The following ARSH variants were observed in gnomAD, a reference collection of about 807,000 sequenced individuals.
The protein encoded by ARSH is arylsulfatase H.
A neutral mutation model predicts 28.7 loss-of-function variants in ARSH; 32 were observed. That is an observed-to-expected ratio of 1.11 (90% CI 0.84 to 1.50). ARSH has a LOEUF of 1.50. Ranked by LOEUF, ARSH falls within the 40% of genes most tolerant of loss-of-function variation. ARSH has a pLI of 0.00. For missense variants in ARSH, 440 were observed against 452.4 expected (o/e 0.97, Z 0.25); for synonymous variants, 176 against 177.3 (o/e 0.99, Z 0.06).
intron 6 of ARSH, among the ~76,000 whole-genome samples, chrX:3,025,602 A>G (rs1052401808): frequency 9.2e-6 from 1 of 108,388 alleles, no homozygotes; most frequent in African/African-American, 3.3e-5. Context: ...ATACTGGATT[A>G]TATATTGTAA....
chrX:3,024,034 T>A lies in ARSH; in HGVS notation c.915T>A (p.Asp305Glu). 8.3e-7 allele frequency: 1 copy of A among 1,210,217 alleles called. No homozygotes were observed. Among genetic ancestry groups the A allele is most frequent in the Non-Finnish European group, 1.1e-6 (1 of 894,956 alleles). The change falls in exon 6 of 9, where the codon GAT becomes GAA. Residue 305 changes from aspartate to glutamate, a missense_variant. Asp to Glu is a conservative substitution (Grantham distance 45). Transcript: ENST00000381130. ...GACCCTCTCCAGGTAAAATCCTGGA[T>A]GCCCTGGACCAGGAGCGCCTGGCCA... ...EMDWMVGKIL[D>E]ALDQERLANH...
intron 5 of ARSH, among the ~76,000 whole-genome samples, chrX:3,019,730 T>G (rs1458182514): frequency 9.0e-6 from 1 of 111,382 alleles, no homozygotes; most frequent in South Asian, 3.8e-4. Flanking sequence ...AACAGAGCTA[T>G]TTTAATTTAA....
chrX:3,019,264 CAAAA>C (rs146298584), intron 5 of ARSH, among the ~76,000 whole-genome samples: 9 of 69,611 alleles, frequency 1.3e-4, no homozygotes, highest in Admixed American at 1.8e-4. Flanking sequence ...GATTCTGTTT[CAAAA>C]AAAAAAAAAA....
At chrX:3,013,820 T>G (rs2089858364) in intron 3 of ARSH, among the ~76,000 whole-genome samples, 1 of 111,054 alleles carries the variant, frequency 9.0e-6, no homozygotes, top group South Asian at 3.9e-4. Context: ...GTTAAGAAAT[T>G]TTCTATCAGT....
At chrX:3,012,603 T>TATATATATATATA (rs1555914148) in intron 2 of ARSH, among the ~76,000 whole-genome samples, 1 of 26,799 alleles carries the variant, frequency 3.7e-5, no homozygotes, top group African/African-American at 1.7e-4. Flanking sequence ...ATATATAATA[T>TATATATATATATA]ATATATGTAT....
At chrX:3,018,035 C>T (rs955868149) in intron 4 of ARSH, among the ~76,000 whole-genome samples, 17 of 112,259 alleles carry the variant, frequency 1.5e-4, no homozygotes, top group African/African-American at 5.5e-4. Flanking sequence ...GGTCTCACTG[C>T]GTTGCCCAGG....
Position 3,018,619 on chromosome X carries a change from A to C in ARSH, c.850A>C (p.Ser284Arg). Residue 284 changes from serine (S) to arginine (R), a missense_variant, in exon 5 of 9, where the codon AGT becomes CGT. By Grantham distance (110) the Ser-to-Arg change is moderately radical. Transcript: ENST00000381130. ...CTCCAAAAAGAAGTTTGTTGGGCGC[A>C]GTAAATATGGCAGGTATGGGGACAA... ...LISKKKFVGR[S>R]KYGRYGDNVE... 8.3e-7 allele frequency: 1 copy of C among 1,211,188 alleles called. No individual in the cohort carries two copies. Among genetic ancestry groups the C allele is most frequent in the Non-Finnish European group, 1.1e-6 (1 of 895,094 alleles).
chrX:3,013,240 T>G, intron 3 of ARSH, 68 bp downstream of exon 3: 4 of 1,124,051 alleles, frequency 3.6e-6, no homozygotes, highest in Non-Finnish European at 4.7e-6. Context: ...GTCTAAGGTG[T>G]TTCCGGGGAT....
At chrX:3,016,707 A>G (rs186055668) in intron 4 of ARSH, among the ~76,000 whole-genome samples, 127 of 111,389 alleles carry the variant, frequency 1.1e-3, no homozygotes, top group African/African-American at 4.0e-3. Context: ...CCTCCTGAGT[A>G]GCTGGGACTA....
At chrX:3,016,812 G>A (rs1458074804) in intron 4 of ARSH, among the ~76,000 whole-genome samples, 1 of 111,161 alleles carries the variant, frequency 9.0e-6, no homozygotes, top group Non-Finnish European at 1.9e-5. Flanking sequence ...TCGAACTCCT[G>A]GGTTCAAGCG....
intron 5 of ARSH, among the ~76,000 whole-genome samples, chrX:3,020,056 C>T (rs927407033): frequency 1.2e-4 from 13 of 108,097 alleles, no homozygotes; most frequent in Non-Finnish European, 1.5e-4. Context: ...GAGGTTCAGG[C>T]GGGAGGATCA....
chrX:3,030,781 C>T (rs1042145652), intron 8 of ARSH, among the ~76,000 whole-genome samples: 1 of 111,214 alleles, frequency 9.0e-6, no homozygotes, highest in Non-Finnish European at 1.9e-5. Context: ...CAGAGCCAAA[C>T]CATATCGCTA....
chrX:3,015,378 T>C lies in ARSH; in HGVS notation c.749T>C (p.Leu250Pro), dbSNP rs759226551. ...GCTTCCCTCATGCTGAAGGAGGCAC[T>C]TGCTTTCATTGAAAGGTATTTAGCC... ...KVASLMLKEA[L>P]AFIERYKREP... Residue 250 changes from leucine (L) to proline (P), a missense_variant, in exon 4 of 9, where the codon CTT becomes CCT. Leu to Pro is a moderately conservative substitution (Grantham distance 98, BLOSUM62 -3). Transcript: ENST00000381130. 1 of 1,209,705 alleles carries C rather than the reference T, an allele frequency of 8.3e-7. No homozygotes were observed. Among genetic ancestry groups the C allele is most frequent in the Non-Finnish European group, 1.1e-6 (1 of 894,637 alleles).
At chrX:3,020,149 TG>T (rs2089877651) in intron 5 of ARSH, among the ~76,000 whole-genome samples, 1 of 105,879 alleles carries the variant, frequency 9.4e-6, no homozygotes, top group Admixed American at 1.0e-4. Flanking sequence ...TAGCCAGGCA[TG>T]GTGTCACACG....
chrX:3,008,112 C>A (rs912550601), intron 1 of ARSH, among the ~76,000 whole-genome samples: 5 of 112,254 alleles, frequency 4.5e-5, no homozygotes, highest in Admixed American at 1.9e-4. Context: ...TGGCTTCTTT[C>A]ACTTAGCGTG....
chrX:3,023,719 A>G (rs1032926777), intron 5 of ARSH, among the ~76,000 whole-genome samples: 2 of 107,600 alleles, frequency 1.9e-5, no homozygotes, highest in Non-Finnish European at 3.8e-5. Context: ...TATAATAAAT[A>G]TATAATTAGT....
At position 3,033,210 on chromosome X, in the gene ARSH, C is replaced by T. The variant is rs759854083; in HGVS notation, c.1514C>T (p.Ser505Phe). 1 of 1,209,577 alleles carries T rather than the reference C, an allele frequency of 8.3e-7. No homozygotes were observed. The highest frequency in any genetic ancestry group is 1.8e-5 in the South Asian group (1 of 56,731). ...CCTGACAATGAGCCATTATTTGACT[C>T]CGTGATCAAAAAGATGGAGGCAGCC... is the stretch of plus-strand genomic sequence containing the variant. ...LNPDNEPLFD[S>F]VIKKMEAAIR... The change falls in exon 9 of 9, where the codon TCC becomes TTC. Residue 505 changes from serine to phenylalanine, a missense_variant. Ser to Phe is a radical substitution (Grantham distance 155, BLOSUM62 -2). Coordinates refer to ENST00000381130, the MANE Select transcript of ARSH (RefSeq NM_001011719.2).
At chrX:3,028,622 C>T (rs1315084846) in intron 7 of ARSH, among the ~76,000 whole-genome samples, 1 of 111,294 alleles carries the variant, frequency 9.0e-6, no homozygotes, top group East Asian at 2.8e-4. Context: ...ATCAAAAGGG[C>T]GTAAATAGCT....
Position 3,010,051 on chromosome X carries a change from G to A in ARSH, c.114G>A (p.Leu38=), listed in dbSNP as rs141719618. Reference sequence around the variant, plus strand: ...GCAGCACACCTAATATTGACCGCCTGGCAAGTGAAGGAGTGAGGCTTACCC... The same window carrying A: ...GCAGCACACCTAATATTGACCGCCTAGCAAGTGAAGGAGTGAGGCTTACCC... ...NSVSTPNIDR[L]ASEGVRLTQH... is the part of the protein sequence containing the mutation. The change falls in exon 2 of 9, where the codon CTG becomes CTA. Residue 38 remains leucine, a synonymous_variant. Transcript: ENST00000381130. The A allele has an allele frequency of 6.4e-5, 78 of 1,209,378 alleles. No individual in the cohort carries two copies. The African/African-American group carries it at 1.2e-3, about 19-fold the overall frequency.
Sources: gnomAD v4.1 joint callset for allele counts (sites outside exome capture counted in the v4.1 genomes callset) on GRCh38, gnomAD v4.1.1 for gene constraint, MANE v1.5 for transcripts, NCBI Gene and HGNC (gene_info 2026-07-23, HGNC 2026-07-21) for gene names.